MYO3B: variants seen among roughly 807,000 people sequenced by gnomAD.
MYO3B encodes myosin IIIB, also known as myosin-IIIb.
In MYO3B, 156 loss-of-function variants were observed where a neutral mutation model predicts 174.6. That is an observed-to-expected ratio of 0.89 (90% CI 0.78 to 1.02). The LOEUF (loss-of-function observed/expected upper bound fraction) is 1.02, where lower values mean the gene tolerates loss of function less well. Ranked by LOEUF, MYO3B falls within the 50% of genes least tolerant of loss-of-function variation. The probability of loss-of-function intolerance (pLI) is 0.00; values close to 1 mark genes in which losing one functional copy is unlikely to be tolerated. For synonymous variants in MYO3B, 563 were observed against 569.1 expected (o/e 0.99, Z 0.15); for missense variants, 1,632 against 1,639.4 (o/e 1.00, Z 0.08).
chr2:170,277,509 A>G (rs184296048), intron 7 of MYO3B, among the ~76,000 whole-genome samples: 3 of 152,338 alleles, frequency 2.0e-5, no homozygotes, highest in Admixed American at 6.5e-5. Context: ...GTGATTGCAC[A>G]AAGAACTCAC....
chr2:170,438,984 T>A (rs1437276091), intron 22 of MYO3B, among the ~76,000 whole-genome samples: 2 of 152,066 alleles, frequency 1.3e-5, no homozygotes, highest in Non-Finnish European at 2.9e-5. Context: ...ATTTCCCTAA[T>A]GTTTAGTGAT....
chr2:170,223,209 C>G (rs184989896), intron 6 of MYO3B, among the ~76,000 whole-genome samples: 401 of 152,234 alleles, frequency 2.6e-3, no homozygotes, highest in Non-Finnish European at 3.8e-3. Flanking sequence ...CTGATTAAGC[C>G]TCTCTGGTCT....
chr2:170,646,271 C>CAAA (rs746578328), intron 32 of MYO3B, among the ~76,000 whole-genome samples: 2 of 121,320 alleles, frequency 1.6e-5, no homozygotes, highest in African/African-American at 3.0e-5. Context: ...AACTCTGTCT[C>CAAA]AAAAAAAAAA....
chr2:170,351,628 A>C (rs74972030), intron 8 of MYO3B, among the ~76,000 whole-genome samples: 47,907 of 151,730 alleles, frequency 0.32, 8,391 homozygotes, highest in East Asian at 0.53. Flanking sequence ...AGGGTGGGCA[A>C]AGGGGAAGTG....
chr2:170,580,718 A>ATATATATATATATATGTGTGTGTG (rs768974458), intron 32 of MYO3B, among the ~76,000 whole-genome samples: 3 of 142,702 alleles, frequency 2.1e-5, no homozygotes, highest in African/African-American at 7.9e-5. Context: ...AACCTTATAT[A>ATATATATATATATATGTGTGTGTG]TGTGTGTGTG....
chr2:170,468,677 C>T (rs946235763), intron 25 of MYO3B, among the ~76,000 whole-genome samples: 3 of 152,114 alleles, frequency 2.0e-5, no homozygotes, highest in South Asian at 2.1e-4. Context: ...TTTATGTTCT[C>T]GACTAGGCAT....
At chr2:170,525,252 T>A (rs1358624613) in intron 30 of MYO3B, among the ~76,000 whole-genome samples, 1 of 151,904 alleles carries the variant, frequency 6.6e-6, no homozygotes, top group Non-Finnish European at 1.5e-5. Context: ...TAAAAGTGAG[T>A]GGTTGGGTTG....
chr2:170,200,439 C>G (rs866513530), intron 3 of MYO3B, among the ~76,000 whole-genome samples, 155 bp downstream of exon 3: 1 of 152,206 alleles, frequency 6.6e-6, no homozygotes, highest in African/African-American at 2.4e-5. Context: ...TTCTCCTCCA[C>G]AGTTCTTACA....
At chr2:170,612,542 G>C (rs1695187302) in intron 32 of MYO3B, among the ~76,000 whole-genome samples, 2 of 152,142 alleles carry the variant, frequency 1.3e-5, no homozygotes, top group Non-Finnish European at 2.9e-5. Flanking sequence ...CCAGTGTGTA[G>C]AACAAAGCCA....
Position 170,230,365 on chromosome 2 carries a change from T to TGGA in MYO3B, c.604-5626_604-5625insGGA, listed in dbSNP as rs1559318980. Among the ~76,000 whole-genome samples the TGGA allele has an allele frequency of 1.2e-3, 162 of 140,848 alleles. 12 individuals are homozygous for TGGA. Among genetic ancestry groups the TGGA allele is most frequent in the African/African-American group, 4.3e-3 (148 of 34,608 alleles). 92.4% of individuals were successfully genotyped at this position (140,848 alleles called of 152,430 possible). A position where few individuals can be genotyped will look rare whatever the true frequency, so the allele number is the denominator to read the frequency against. ...TTTTTTTTTTTTTTTTTTTTTTTAG[T>TGGA]AGAGACGGGGTTTCACCATGTTGGT... On this transcript the variant is annotated intron_variant, in intron 6 of 34. Coordinates refer to ENST00000408978, the MANE Select transcript of MYO3B (RefSeq NM_138995.5).
At chr2:170,213,556 A>G (rs144985905) in intron 3 of MYO3B, among the ~76,000 whole-genome samples, 244 of 152,336 alleles carry the variant, frequency 1.6e-3, no homozygotes, top group African/African-American at 5.3e-3. Flanking sequence ...TCTGGTTCCT[A>G]GGCACCGGGC....
At chr2:170,271,748 T>C (rs1170068583) in intron 7 of MYO3B, among the ~76,000 whole-genome samples, 3 of 152,200 alleles carry the variant, frequency 2.0e-5, no homozygotes, top group African/African-American at 7.2e-5. Context: ...ATTGTTATAA[T>C]AAGAATTTTA....
chr2:170,603,939 A>G (rs1048743570), intron 32 of MYO3B, among the ~76,000 whole-genome samples: 2 of 152,230 alleles, frequency 1.3e-5, no homozygotes, highest in Admixed American at 6.5e-5. Flanking sequence ...CTAAGTTTAC[A>G]TATGTTTAGA....
At chr2:170,612,645 G>A (rs1407274594) in intron 32 of MYO3B, among the ~76,000 whole-genome samples, 3 of 152,178 alleles carry the variant, frequency 2.0e-5, no homozygotes, top group Admixed American at 2.0e-4. Flanking sequence ...TGACCCACAC[G>A]TAACAGTGGA....
chr2:170,447,723 A>T (rs1268384493), intron 23 of MYO3B, among the ~76,000 whole-genome samples: 3 of 152,230 alleles, frequency 2.0e-5, no homozygotes, highest in Admixed American at 2.0e-4. Context: ...AATTCACACA[A>T]TGCTGGCTGC....
At chr2:170,498,062 A>G (rs1686999435) in intron 25 of MYO3B, among the ~76,000 whole-genome samples, 1 of 152,144 alleles carries the variant, frequency 6.6e-6, no homozygotes, top group Non-Finnish European at 1.5e-5. Context: ...TAAGAAAACA[A>G]ATGTGGTTTT....
At chr2:170,649,124 G>A (rs181231202) in intron 32 of MYO3B, among the ~76,000 whole-genome samples, 446 of 19,826 alleles carry the variant, frequency 0.022, 49 homozygotes, top group African/African-American at 0.12. Context: ...AATATATAAT[G>A]TATATAAAAT....
intron 7 of MYO3B, among the ~76,000 whole-genome samples, chr2:170,246,052 T>C (rs185119521): frequency 2.0e-5 from 3 of 152,248 alleles, no homozygotes; most frequent in South Asian, 2.1e-4. Flanking sequence ...TTTACAAATA[T>C]AATTTTGGGA....
At chr2:170,614,966 C>T (rs1276304111) in intron 32 of MYO3B, among the ~76,000 whole-genome samples, 1 of 152,176 alleles carries the variant, frequency 6.6e-6, no homozygotes, top group African/African-American at 2.4e-5. Flanking sequence ...TTGCCTCCAA[C>T]ACAGTCTTGA....
Sources: allele counts gnomAD v4.1 joint callset (sites outside exome capture counted in the v4.1 genomes callset), GRCh38; gene constraint gnomAD v4.1.1; transcripts MANE v1.5; gene names NCBI Gene and HGNC (gene_info 2026-07-23, HGNC 2026-07-21).